The following PCDH9 variants were observed in gnomAD, a reference collection of about 807,000 sequenced individuals.
PCDH9 encodes protocadherin-9.
In PCDH9, 24 loss-of-function variants were observed where a neutral mutation model predicts 70.6. The ratio of observed to expected loss-of-function variants is 0.34; its 90% CI spans 0.25 to 0.48. The LOEUF (loss-of-function observed/expected upper bound fraction) is 0.48. Ranked by LOEUF, PCDH9 falls within the 20% of genes least tolerant of loss-of-function variation. PCDH9 has a pLI of 0.99. For missense variants in PCDH9, 1,281 were observed against 1,503.6 expected (o/e 0.85, Z 2.45); for synonymous variants, 562 against 558.5 (o/e 1.01, Z -0.09).
rs1022732406 is a variant in PCDH9 at position 67,179,388 on chromosome 13, G to A, written c.3036+46017C>T. Among the ~76,000 whole-genome samples the A allele has an allele frequency of 2.0e-5, 3 of 152,072 alleles. No individual in the cohort carries two copies. The South Asian group carries it at 6.2e-4, about 31-fold the overall frequency. Reference sequence around the variant, plus strand: ...CAGACTTAAATAGTTAAAGGTGCTTGTCATAGAGTCAGTGGCTGTGATTGA... The same window carrying A: ...CAGACTTAAATAGTTAAAGGTGCTTATCATAGAGTCAGTGGCTGTGATTGA... On this transcript the variant is annotated intron_variant, in intron 2 of 4. Transcript: ENST00000377865.
At chr13:67,181,779 A>G (rs1029986118) in intron 2 of PCDH9, among the ~76,000 whole-genome samples, 1 of 152,224 alleles carries the variant, frequency 6.6e-6, no homozygotes, top group Non-Finnish European at 1.5e-5. Flanking sequence ...AAACACCACT[A>G]CAAAATAAGT....
chr13:66,841,078 A>AT (rs2081109372), intron 3 of PCDH9, among the ~76,000 whole-genome samples: 1 of 152,174 alleles, frequency 6.6e-6, no homozygotes, highest in Non-Finnish European at 1.5e-5. Flanking sequence ...AAGGTATGTT[A>AT]TTTTTTAAGG....
chr13:66,583,140 T>A (rs2076916611), intron 4 of PCDH9, among the ~76,000 whole-genome samples: 1 of 151,496 alleles, frequency 6.6e-6, no homozygotes, highest in Admixed American at 6.6e-5. Flanking sequence ...CATTTTGGCG[T>A]CATGAACTAT....
At chr13:66,631,063 A>T in intron 4 of PCDH9, 147 bp downstream of exon 4, 1 of 582,024 alleles carries the variant, frequency 1.7e-6, no homozygotes. Context: ...TATTAAATGT[A>T]TATCTCAAAG....
chr13:66,763,668 G>T (rs1363036808), intron 3 of PCDH9, among the ~76,000 whole-genome samples: 2 of 152,126 alleles, frequency 1.3e-5, no homozygotes, highest in Non-Finnish European at 2.9e-5. Context: ...GCTGACTACA[G>T]AGTAGAAGTC....
rs1050309077 is a variant in PCDH9, at chr13:66,510,630, G to T, written c.3340+120580C>A. On this transcript the variant is annotated intron_variant, in intron 4 of 4. Transcript: ENST00000377865. ...GCGGTGTTTGGTTTTTTGTCCTTGC[G>T]ATAGTTTGCTGAGAATGATGGTTTC... 2.6e-5 allele frequency among the ~76,000 whole-genome samples: 4 copies of T among 152,160 alleles called. No individual in the cohort carries two copies. In the East Asian group the frequency reaches 5.8e-4, roughly 22 times the overall value.
intron 3 of PCDH9, among the ~76,000 whole-genome samples, chr13:66,776,684 C>T (rs2079899530): frequency 6.6e-6 from 1 of 152,048 alleles, no homozygotes; most frequent in Non-Finnish European, 1.5e-5. Flanking sequence ...GAATCAATAT[C>T]ATGAAAATGG....
At chr13:66,580,059 C>T (rs2076868834) in intron 4 of PCDH9, among the ~76,000 whole-genome samples, 1 of 151,974 alleles carries the variant, frequency 6.6e-6, no homozygotes, top group Admixed American at 6.6e-5. Flanking sequence ...AGGATATATA[C>T]ATCTCTAAAG....
At chr13:66,548,786 A>G in intron 4 of PCDH9, among the ~76,000 whole-genome samples, 1 of 152,120 alleles carries the variant, frequency 6.6e-6, no homozygotes, top group Non-Finnish European at 1.5e-5. Flanking sequence ...CTCATGAATA[A>G]TGCTTATGTT....
chr13:66,735,389 G>A (rs1427536208), intron 3 of PCDH9, among the ~76,000 whole-genome samples: 1 of 151,792 alleles, frequency 6.6e-6, no homozygotes, highest in Non-Finnish European at 1.5e-5. Flanking sequence ...CTAAAGATTG[G>A]GTACACTTTG....
At chr13:66,583,842 G>A (rs192974775) in intron 4 of PCDH9, among the ~76,000 whole-genome samples, 1 of 152,202 alleles carries the variant, frequency 6.6e-6, no homozygotes, top group Admixed American at 6.5e-5. Context: ...TGTTCCAAGA[G>A]TTTAAAATGG....
intron 4 of PCDH9, among the ~76,000 whole-genome samples, chr13:66,494,606 C>A (rs547877674): frequency 9.9e-5 from 15 of 152,230 alleles, no homozygotes; most frequent in African/African-American, 3.6e-4. Flanking sequence ...CACCATTCTA[C>A]TGCCAACAAT....
intron 4 of PCDH9, among the ~76,000 whole-genome samples, chr13:66,528,846 A>G (rs1220937645): frequency 1.3e-5 from 2 of 152,004 alleles, no homozygotes; most frequent in Non-Finnish European, 2.9e-5. Flanking sequence ...TGAATGCATC[A>G]CTCTACTATT....
At chr13:66,719,044 TA>T (rs1222020663) in intron 3 of PCDH9, among the ~76,000 whole-genome samples, 6 of 152,186 alleles carry the variant, frequency 3.9e-5, no homozygotes, top group African/African-American at 1.4e-4. Flanking sequence ...AAAACTTAGT[TA>T]ATATGGGCTA....
chr13:66,693,896 G>T (rs2078522264), intron 3 of PCDH9, among the ~76,000 whole-genome samples: 1 of 152,144 alleles, frequency 6.6e-6, no homozygotes, highest in African/African-American at 2.4e-5. Flanking sequence ...AGAGAGAGTA[G>T]AATATATTAC....
intron 3 of PCDH9, among the ~76,000 whole-genome samples, chr13:66,792,120 A>T (rs1287052529): frequency 1.3e-5 from 2 of 152,202 alleles, no homozygotes; most frequent in Non-Finnish European, 2.9e-5. Context: ...GTCAGTAATT[A>T]TATGTAAGTC....
intron 3 of PCDH9, among the ~76,000 whole-genome samples, chr13:66,642,602 C>T (rs970515493): frequency 8.6e-5 from 13 of 151,984 alleles, no homozygotes; most frequent in Non-Finnish European, 1.6e-4. Flanking sequence ...GCATATTATA[C>T]GACACAGCCT....
intron 3 of PCDH9, among the ~76,000 whole-genome samples, chr13:66,663,073 C>G (rs2078038505): frequency 1.3e-5 from 2 of 152,082 alleles, no homozygotes; most frequent in Admixed American, 6.6e-5. Flanking sequence ...ATAGGAGAAT[C>G]TTAACACTAC....
intron 3 of PCDH9, among the ~76,000 whole-genome samples, chr13:66,873,966 T>C (rs987420205): frequency 1.4e-5 from 2 of 144,486 alleles, no homozygotes; most frequent in African/African-American, 2.6e-5. Context: ...TGAGATAGCG[T>C]CTCACTGTGT....
Sources: allele counts gnomAD v4.1 joint callset (sites outside exome capture counted in the v4.1 genomes callset), GRCh38; gene constraint gnomAD v4.1.1; transcripts MANE v1.5; gene names NCBI Gene and HGNC (gene_info 2026-07-23, HGNC 2026-07-21).